The following PARD3B variants were observed in gnomAD, a reference collection of about 807,000 sequenced individuals.
The protein encoded by PARD3B is par-3 family cell polarity regulator beta, also known as partitioning defective 3 homolog B.
Under a neutral mutation model 130.2 loss-of-function variants are expected in PARD3B, and 103 were observed. The observed-to-expected ratio is 0.79, with a 90% CI of 0.67 to 0.93. PARD3B has a LOEUF of 0.93. PARD3B is among the 40% of genes least tolerant of loss of function. The pLI is 0.00. For synonymous variants in PARD3B, 583 were observed against 553.2 expected, an observed-to-expected ratio of 1.05 and a Z score of -0.76; for missense variants, 1,609 against 1,499.2, an observed-to-expected ratio of 1.07 and a Z score of -1.21.
At chr2:205,050,696 T>A (rs985054856) in intron 4 of PARD3B, among the ~76,000 whole-genome samples, 3 of 152,052 alleles carry the variant, frequency 2.0e-5, no homozygotes, top group Admixed American at 2.0e-4. Context: ...TTATTAAAAT[T>A]ATTTTCACCT....
At chr2:205,289,552 A>T (rs2041524743) in intron 16 of PARD3B, among the ~76,000 whole-genome samples, 1 of 152,160 alleles carries the variant, frequency 6.6e-6, no homozygotes, top group Non-Finnish European at 1.5e-5. Flanking sequence ...CACAAATAGT[A>T]TATGGGTGGA....
intron 2 of PARD3B, among the ~76,000 whole-genome samples, chr2:204,840,862 C>G (rs2044234542): frequency 6.6e-6 from 1 of 152,118 alleles, no homozygotes; most frequent in Non-Finnish European, 1.5e-5. Flanking sequence ...CATTGTTAGT[C>G]TCTTATTCTG....
chr2:204,955,160 G>A lies in PARD3B; in HGVS notation c.223-9992G>A, dbSNP rs148555180. 9.2e-3 allele frequency among the ~76,000 whole-genome samples: 1,393 copies of A among 152,238 alleles called. 29 individuals are homozygous for A. Among genetic ancestry groups the A allele is most frequent in the African/African-American group, 0.032 (1,320 of 41,528 alleles). On this transcript the variant is annotated intron_variant, in intron 2 of 22. Transcript: ENST00000406610. ...GCAGTCATTAGTACAAATAAGCAGC[G>A]TTCTTCTAACAGTCAGCCATCGTAG...
At chr2:205,222,362 C>T (rs529105108) in intron 15 of PARD3B, among the ~76,000 whole-genome samples, 7 of 152,150 alleles carry the variant, frequency 4.6e-5, no homozygotes, top group Non-Finnish European at 8.8e-5. Context: ...CAGATCCCTG[C>T]TGTTCCACGT....
intron 1 of PARD3B, among the ~76,000 whole-genome samples, chr2:204,630,345 T>C (rs1271688770): frequency 6.6e-6 from 1 of 152,158 alleles, no homozygotes; most frequent in Non-Finnish European, 1.5e-5. Context: ...AAGTGTCTGC[T>C]TAGGGAACTT....
At chr2:205,504,257 G>A (rs1375264203) in intron 21 of PARD3B, among the ~76,000 whole-genome samples, 2 of 152,178 alleles carry the variant, frequency 1.3e-5, no homozygotes, top group Non-Finnish European at 2.9e-5. Flanking sequence ...ATGGATTAAA[G>A]ACTTAAATGT....
At chr2:205,075,400 G>A (rs767876824) in intron 4 of PARD3B, among the ~76,000 whole-genome samples, 8 of 151,862 alleles carry the variant, frequency 5.3e-5, no homozygotes, top group East Asian at 1.9e-4. Context: ...AAATTCTCCC[G>A]TATGAAAATT....
chr2:205,201,627 C>T (rs1382124878), intron 15 of PARD3B, among the ~76,000 whole-genome samples: 1 of 152,134 alleles, frequency 6.6e-6, no homozygotes, highest in East Asian at 1.9e-4. Flanking sequence ...CACCTGAGGT[C>T]GGGAGTTCGA....
intron 1 of PARD3B, among the ~76,000 whole-genome samples, chr2:204,619,216 A>G (rs2034212933): frequency 6.6e-6 from 1 of 152,166 alleles, no homozygotes; most frequent in Non-Finnish European, 1.5e-5. Flanking sequence ...ATCACTTCAC[A>G]TTCTAAATGT....
At chr2:204,741,324 C>T (rs2040000561) in intron 2 of PARD3B, among the ~76,000 whole-genome samples, 1 of 152,128 alleles carries the variant, frequency 6.6e-6, no homozygotes, top group Non-Finnish European at 1.5e-5. Flanking sequence ...TCTTGTGTTA[C>T]TTAAAATGAG....
chr2:205,198,082 G>C (rs2036791262), intron 15 of PARD3B, among the ~76,000 whole-genome samples: 1 of 152,214 alleles, frequency 6.6e-6, no homozygotes, highest in Non-Finnish European at 1.5e-5. Context: ...TAGCACTTCA[G>C]TTTGTTGGCC....
intron 3 of PARD3B, among the ~76,000 whole-genome samples, chr2:204,978,916 A>G: frequency 6.7e-6 from 1 of 150,362 alleles, no homozygotes; most frequent in Non-Finnish European, 1.5e-5. Context: ...GTGAACAGAG[A>G]TCACACCACT....
intron 2 of PARD3B, among the ~76,000 whole-genome samples, chr2:204,728,053 T>G (rs1230025967): frequency 1.3e-5 from 2 of 152,128 alleles, no homozygotes; most frequent in African/African-American, 2.4e-5. Context: ...GAAGAAAGCC[T>G]AAAGGCACTT....
At chr2:205,277,849 CCAGA>C (rs1386335143) in intron 16 of PARD3B, among the ~76,000 whole-genome samples, 1 of 151,942 alleles carries the variant, frequency 6.6e-6, no homozygotes, top group Non-Finnish European at 1.5e-5. Flanking sequence ...AGTAATTTGA[CCAGA>C]CAATCAAAAA....
intron 13 of PARD3B, among the ~76,000 whole-genome samples, chr2:205,177,659 A>G (rs1240533245): frequency 6.6e-6 from 1 of 152,192 alleles, no homozygotes. Context: ...TGGCTCTAGA[A>G]TTAAATTATC....
intron 3 of PARD3B, among the ~76,000 whole-genome samples, chr2:205,023,045 C>T (rs1195633428): frequency 6.6e-6 from 1 of 152,174 alleles, no homozygotes; most frequent in African/African-American, 2.4e-5. Flanking sequence ...GCTCAGTTCC[C>T]TGGTCCATTA....
At chr2:204,719,708 TTTAA>T (rs1465838947) in intron 2 of PARD3B, among the ~76,000 whole-genome samples, 5 of 152,210 alleles carry the variant, frequency 3.3e-5, no homozygotes, top group Non-Finnish European at 5.9e-5. Flanking sequence ...TTATTACTGA[TTTAA>T]TTGTCTTTTT....
chr2:205,036,709 AATAT>A (rs1697939551), intron 3 of PARD3B, among the ~76,000 whole-genome samples: 1 of 145,864 alleles, frequency 6.9e-6, no homozygotes, highest in Non-Finnish European at 1.5e-5. Flanking sequence ...ATGTACAAAA[AATAT>A]ATATACACAG....
chr2:204,551,647 C>T (rs2030471686), intron 1 of PARD3B, among the ~76,000 whole-genome samples: 1 of 149,648 alleles, frequency 6.7e-6, no homozygotes. Flanking sequence ...GGCTGGTTAT[C>T]TGAGCTGAGT....
Sources: allele counts gnomAD v4.1 joint callset (sites outside exome capture counted in the v4.1 genomes callset), GRCh38; gene constraint gnomAD v4.1.1; transcripts MANE v1.5; gene names NCBI Gene and HGNC (gene_info 2026-07-23, HGNC 2026-07-21).